The following LGI1 variants were observed in gnomAD, a reference collection of about 807,000 sequenced individuals.
LGI1 encodes the protein leucine-rich glioma-inactivated protein 1.
In LGI1, 11 loss-of-function variants were observed where a neutral mutation model predicts 57.7. The ratio of observed to expected loss-of-function variants is 0.19; its 90% CI spans 0.12 to 0.32. The LOEUF is 0.32. Ranked by LOEUF, LGI1 falls within the 10% of genes least tolerant of loss-of-function variation. The probability of loss-of-function intolerance (pLI) is 1.00; values close to 1 mark genes in which losing one functional copy is unlikely to be tolerated. For synonymous variants in LGI1, 222 were observed against 241.9 expected (o/e 0.92, Z 0.76); for missense variants, 422 against 661.9 (o/e 0.64, Z 3.98).
chr10:93,766,044 C>T (rs1174484910), intron 2 of LGI1, among the ~76,000 whole-genome samples: 1 of 150,580 alleles, frequency 6.6e-6, no homozygotes, highest in Non-Finnish European at 1.5e-5. Context: ...TTAGGTTGTT[C>T]ATTGAAAGAA....
rs770758936 is a variant in LGI1 at position 93,793,283 on chromosome 10, T to C, written c.771T>C (p.Thr257=). The change falls in exon 7 of 8, where the codon ACT becomes ACC. Residue 257 remains threonine (T), a synonymous_variant. Coordinates refer to ENST00000371418, the MANE Select transcript of LGI1 (RefSeq NM_005097.4). ...ATGTAGTCATCGCTCAGCCTTTTAC[T>C]GGAAAATGCATTTTCCTTGAATGGG... ...DEYVVIAQPF[T]GKCIFLEWDH... 5 of 1,613,210 alleles carry C rather than the reference T, an allele frequency of 3.1e-6. No individual in the cohort carries two copies. In the African/African-American group the frequency reaches 4.0e-5, roughly 13 times the overall value.
Position 93,797,149 on chromosome 10 carries a change from T to C in LGI1, c.1020T>C (p.Ile340=). 5.0e-6 allele frequency: 8 copies of C among 1,614,206 alleles called. No homozygotes were observed. Among genetic ancestry groups the C allele is most frequent in the Non-Finnish European group, 6.8e-6 (8 of 1,180,028 alleles). Residue 340 remains isoleucine (I), a synonymous_variant, in exon 8 of 8, where the codon ATT becomes ATC. Coordinates refer to ENST00000371418, the MANE Select transcript of LGI1 (RefSeq NM_005097.4). The surrounding 1 kb of genome is among the most constrained non-coding windows in gnomAD (Gnocchi z 6.5). ...CCAATGACATTGAAACATTCAAGAT[T>C]GAAAACAACTGGTACTTTGTTGTTG... ...RKPNDIETFK[I]ENNWYFVVAD... is the part of the protein sequence containing the mutation.
At chr10:93,761,538 G>T (rs2059623415) in intron 2 of LGI1, among the ~76,000 whole-genome samples, 1 of 152,124 alleles carries the variant, frequency 6.6e-6, no homozygotes, top group African/African-American at 2.4e-5. Flanking sequence ...TTCTGAAAAA[G>T]CTATGATGAG....
Position 93,758,263 on chromosome 10 carries a change from C to A in LGI1, c.119C>A (p.Pro40Gln). 1 of 1,614,188 alleles carries A rather than the reference C, an allele frequency of 6.2e-7. No homozygotes were observed. Among genetic ancestry groups the A allele is most frequent in the Non-Finnish European group, 8.5e-7 (1 of 1,180,030 alleles). The change falls in exon 1 of 8, where the codon CCA becomes CAA. Residue 40 changes from proline to glutamine, a missense_variant. Coordinates refer to ENST00000371418, the MANE Select transcript of LGI1 (RefSeq NM_005097.4). The surrounding 1 kb of genome is among the most constrained non-coding windows in gnomAD (Gnocchi z 4.7). ...ACTGAGGGGAAGAAACCAGCGAAGC[C>A]AAAATGCCCTGCCGTGTGTACTTGT... ...LLTEGKKPAK[P>Q]KCPAVCTCTK... is the part of the protein sequence containing the mutation.
chr10:93,764,955 C>G (rs1022262869), intron 2 of LGI1: 5 of 152,188 alleles, frequency 3.3e-5, no homozygotes, highest in African/African-American at 1.2e-4. Flanking sequence ...TCTTTAAATA[C>G]TTCTTACAGG....
intron 5 of LGI1, chr10:93,791,125 C>T (rs2059934342): frequency 1.3e-5 from 2 of 152,186 alleles, no homozygotes; most frequent in South Asian, 4.1e-4. Context: ...CAGTATTTCC[C>T]CAGCCCCTCC....
At chr10:93,763,592 C>G (rs2059645625) in intron 2 of LGI1, 1 of 152,230 alleles carries the variant, frequency 6.6e-6, no homozygotes, top group South Asian at 2.1e-4. Flanking sequence ...CATGTTCACA[C>G]TCTTTCTGAT....
chr10:93,770,457 T>C (rs1423821754), intron 2 of LGI1: 1 of 152,420 alleles, frequency 6.6e-6, no homozygotes, highest in Non-Finnish European at 1.5e-5. Flanking sequence ...AGCCTTACCC[T>C]TGACCCCTTG....
chr10:93,769,563 T>G (rs1294638392), intron 2 of LGI1: 1 of 152,242 alleles, frequency 6.6e-6, no homozygotes, highest in African/African-American at 2.4e-5. Flanking sequence ...ATTGGAGACA[T>G]GCTCATACAC....
chr10:93,775,054 T>C (rs915248859), intron 2 of LGI1, among the ~76,000 whole-genome samples: 2 of 152,216 alleles, frequency 1.3e-5, no homozygotes, highest in Non-Finnish European at 2.9e-5. Context: ...GAGGGTGTTT[T>C]TTTAGCTTTT....
chr10:93,797,982 A>C lies in LGI1; in HGVS notation c.*179A>C. 1.6e-6 allele frequency: 1 copy of C among 634,436 alleles called. No individual in the cohort carries two copies. The highest frequency in any genetic ancestry group is 2.8e-6 in the Non-Finnish European group (1 of 355,002). The allele number at this position is 634,436 out of a possible 1,614,324, so 39.3% of individuals were successfully genotyped here. ...AACTGTCCAGTCCAGTGATGTGGGA[A>C]GTTACCTTTTATAAGACAAAATTTA... is the stretch of plus-strand genomic sequence containing the variant. On this transcript the variant is annotated 3_prime_UTR_variant, in exon 8 of 8. Coordinates refer to ENST00000371418, the MANE Select transcript of LGI1 (RefSeq NM_005097.4). The surrounding 1 kb of genome is among the most constrained non-coding windows in gnomAD (Gnocchi z 6.5).
intron 2 of LGI1, among the ~76,000 whole-genome samples, chr10:93,773,579 T>A (rs2059761716): frequency 6.6e-6 from 1 of 152,160 alleles, no homozygotes; most frequent in Non-Finnish European, 1.5e-5. Flanking sequence ...CTGCCTGGAA[T>A]TCATAGTTCA....
At chr10:93,775,586 A>T (rs11187661) in intron 2 of LGI1, among the ~76,000 whole-genome samples, 10 of 152,196 alleles carry the variant, frequency 6.6e-5, no homozygotes, top group Non-Finnish European at 1.0e-4. Context: ...TTCAGTGTCC[A>T]CTAGAGGACA....
intron 2 of LGI1, chr10:93,765,246 A>G (rs527778743): frequency 6.6e-6 from 1 of 152,354 alleles, no homozygotes; most frequent in African/African-American, 2.4e-5. Flanking sequence ...AGGTCACAAA[A>G]TATCACTGGA....
chr10:93,758,637 C>A lies in LGI1; in HGVS notation c.216-123C>A. On this transcript the variant is annotated intron_variant, in intron 1 of 7. Transcript: ENST00000371418. The surrounding 1 kb of genome is among the most constrained non-coding windows in gnomAD (Gnocchi z 4.7). ...TCTGGGAAGGAATAGTATCGTACTTCATAAAATAGTGTCAAAATAGTCACT... is the reference window on the plus strand; with the variant it reads ...TCTGGGAAGGAATAGTATCGTACTTAATAAAATAGTGTCAAAATAGTCACT... 1 of 757,802 alleles carries A rather than the reference C, an allele frequency of 1.3e-6. No individual in the cohort carries two copies. The highest frequency in any genetic ancestry group is 1.5e-5 in the South Asian group (1 of 66,508). The allele number at this position is 757,802 out of a possible 1,614,324, so 46.9% of individuals were successfully genotyped here. A position where few individuals can be genotyped will look rare whatever the true frequency, so the allele number is the denominator to read the frequency against.
rs1589775967 is a variant in LGI1 at position 93,797,412 on chromosome 10, A to G, written c.1283A>G (p.Asn428Ser). The change falls in exon 8 of 8, where the codon AAC (asparagine) becomes AGC (serine). Residue 428 changes from asparagine to serine, a missense_variant. This residue lies in a region of LGI1 where 301 missense variants were observed against 461.7 expected (regional missense o/e 0.65). Coordinates refer to ENST00000371418, the MANE Select transcript of LGI1 (RefSeq NM_005097.4). The surrounding 1 kb of genome is among the most constrained non-coding windows in gnomAD (Gnocchi z 6.5). ...QLFTNQTDIP[N>S]MEDVYAVKHF... The stretch of plus-strand genomic sequence containing the variant: ...TTCACTAACCAAACTGACATTCCTA[A>G]CATGGAGGATGTGTACGCAGTGAAG... 6 of 1,614,210 alleles carry G rather than the reference A, an allele frequency of 3.7e-6. No homozygotes were observed. The highest frequency in any genetic ancestry group is 2.5e-6 in the Non-Finnish European group (3 of 1,180,040).
At chr10:93,762,692 G>A (rs1407745083) in intron 2 of LGI1, 1 of 152,118 alleles carries the variant, frequency 6.6e-6, no homozygotes, top group African/African-American at 2.4e-5. Flanking sequence ...AGGCTGTTTT[G>A]TCTACAGTTT....
chr10:93,788,621 C>T (rs2059909453), intron 4 of LGI1: 1 of 152,124 alleles, frequency 6.6e-6, no homozygotes, highest in African/African-American at 2.4e-5. Context: ...ACAATTGGAC[C>T]GTCATTGACA....
Position 93,758,711 on chromosome 10 carries a change from T to A in LGI1, c.216-49T>A. On this transcript the variant is annotated intron_variant, in intron 1 of 7. Coordinates refer to ENST00000371418, the MANE Select transcript of LGI1 (RefSeq NM_005097.4). The surrounding 1 kb of genome is among the most constrained non-coding windows in gnomAD (Gnocchi z 4.7). ...AAGGTTTGTTCTGTGTGTGTGTGTC[T>A]CTTTGTGTGTGTCTGTTTGTTTGTT... 3 of 1,316,296 alleles carry A rather than the reference T, an allele frequency of 2.3e-6. No homozygotes were observed. The highest frequency in any genetic ancestry group is 1.7e-5 in the Admixed American group (1 of 59,168). 81.5% of individuals were successfully genotyped at this position (1,316,296 alleles called of 1,614,324 possible).
Sources: allele counts gnomAD v4.1 joint callset (sites outside exome capture counted in the v4.1 genomes callset), GRCh38; gene constraint gnomAD v4.1.1; regional missense constraint gnomAD v4.1.1; non-coding constraint Gnocchi (gnomAD v3.1); transcripts MANE v1.5; gene names NCBI Gene and HGNC (gene_info 2026-07-23, HGNC 2026-07-21).